Variants in CACNA2D1 observed in about 807,000 individuals in gnomAD.
CACNA2D1 encodes the protein calcium voltage-gated channel auxiliary subunit alpha2delta 1.
CACNA2D1 carries 53 observed loss-of-function variants against 171.5 expected under a neutral mutation model. That is an observed-to-expected ratio of 0.31 (90% CI 0.25 to 0.39). The LOEUF (loss-of-function observed/expected upper bound fraction) is 0.39, where lower values mean the gene tolerates loss of function less well. Among genes scored for constraint, CACNA2D1 ranks in the 10% least tolerant of loss-of-function variants. The pLI is 1.00. For missense variants in CACNA2D1, 903 were observed against 1,299.8 expected (o/e 0.69, Z 4.69); for synonymous variants, 442 against 443.1 (o/e 1.00, Z 0.03).
chr7:82,073,083 C>G lies in CACNA2D1; in HGVS notation c.659-6559G>C, dbSNP rs146580733. Among the ~76,000 whole-genome samples the G allele has an allele frequency of 5.6e-3, 845 of 152,228 alleles. 7 individuals carry two copies. The highest frequency in any genetic ancestry group is 0.02 in the African/African-American group (815 of 41,546). ...CTCCCTGATGCAGGCTGGTGTTACA[C>G]AGTCAATAAAACTTTCTAGGAATCT... On this transcript the variant is annotated intron_variant, in intron 7 of 38. Coordinates refer to ENST00000356860, the MANE Select transcript of CACNA2D1 (RefSeq NM_000722.4).
At chr7:82,416,761 C>T (rs945345241) in intron 1 of CACNA2D1, among the ~76,000 whole-genome samples, 2 of 152,124 alleles carry the variant, frequency 1.3e-5, no homozygotes, top group African/African-American at 4.8e-5. Context: ...AAAATAAGGT[C>T]ACATTCTGAA....
chr7:82,202,210 C>T lies in CACNA2D1; in HGVS notation c.295-31601G>A, dbSNP rs1204641064. 2.6e-5 allele frequency among the ~76,000 whole-genome samples: 4 copies of T among 152,288 alleles called. No homozygotes were observed. In the East Asian group the frequency reaches 5.8e-4, roughly 22 times the overall value. On this transcript the variant is annotated intron_variant, in intron 3 of 38. Coordinates refer to ENST00000356860, the MANE Select transcript of CACNA2D1 (RefSeq NM_000722.4). Reference sequence around the variant, plus strand: ...CTGACGCTGTACATACGGCTTGCACCCAGGCGCGTACCCATGACTTGCTGG... The same window carrying T: ...CTGACGCTGTACATACGGCTTGCACTCAGGCGCGTACCCATGACTTGCTGG...
chr7:82,352,635 A>G (rs1819985567), intron 1 of CACNA2D1, among the ~76,000 whole-genome samples: 1 of 152,174 alleles, frequency 6.6e-6, no homozygotes, highest in African/African-American at 2.4e-5. Flanking sequence ...GAGAGAAAAC[A>G]ACAACAAGAA....
chr7:82,340,297 C>A (rs1299352797), intron 2 of CACNA2D1, among the ~76,000 whole-genome samples: 2 of 151,846 alleles, frequency 1.3e-5, no homozygotes, highest in Non-Finnish European at 2.9e-5. Context: ...TGCTGAAAGC[C>A]AGGCTCCTCC....
intron 18 of CACNA2D1, among the ~76,000 whole-genome samples, chr7:81,999,500 T>C (rs561879826): frequency 9.0e-4 from 137 of 152,284 alleles, no homozygotes; most frequent in African/African-American, 3.2e-3. Flanking sequence ...AAATTTTAAA[T>C]TGAAATAATT....
At chr7:82,428,800 C>T (rs541719375) in intron 1 of CACNA2D1, among the ~76,000 whole-genome samples, 1 of 152,274 alleles carries the variant, frequency 6.6e-6, no homozygotes, top group African/African-American at 2.4e-5. Context: ...ACAGGCTATA[C>T]CAGAAGCAGG....
chr7:82,324,253 G>C (rs997401082), intron 3 of CACNA2D1, among the ~76,000 whole-genome samples: 1 of 151,758 alleles, frequency 6.6e-6, no homozygotes, highest in African/African-American at 2.4e-5. Context: ...AGCTACTCGG[G>C]AGGCTGAGGC....
chr7:82,417,553 G>C (rs1828294889), intron 1 of CACNA2D1, among the ~76,000 whole-genome samples: 1 of 152,114 alleles, frequency 6.6e-6, no homozygotes, highest in African/African-American at 2.4e-5. Flanking sequence ...GACACCACTG[G>C]CCACGGAAAC....
At chr7:82,280,624 T>C (rs1585320075) in intron 3 of CACNA2D1, among the ~76,000 whole-genome samples, 1 of 152,210 alleles carries the variant, frequency 6.6e-6, no homozygotes, top group Non-Finnish European at 1.5e-5. Context: ...CGTTAGAAGC[T>C]TTTTATGTAA....
chr7:82,286,835 T>C lies in CACNA2D1; in HGVS notation c.294+48300A>G, dbSNP rs1179417024. On this transcript the variant is annotated intron_variant, in intron 3 of 38. Transcript: ENST00000356860. ...TACTTTGTCCCCATGCCTATTTAAG[T>C]GTGTGGAGATTTTTCCCCCCATTTA... Among the ~76,000 whole-genome samples, 7 of 152,314 alleles carry C rather than the reference T, an allele frequency of 4.6e-5. No homozygotes were observed. In the South Asian group the frequency reaches 1.5e-3, roughly 32 times the overall value.
intron 2 of CACNA2D1, among the ~76,000 whole-genome samples, chr7:82,348,622 T>C (rs1282155308): frequency 1.3e-5 from 2 of 152,168 alleles, no homozygotes; most frequent in Non-Finnish European, 2.9e-5. Flanking sequence ...TGGTATAATT[T>C]TTTGAAGTTT....
intron 10 of CACNA2D1, among the ~76,000 whole-genome samples, chr7:82,039,856 T>C (rs543422981): frequency 6.6e-6 from 1 of 152,102 alleles, no homozygotes; most frequent in Non-Finnish European, 1.5e-5. Flanking sequence ...CTCGGTCTCA[T>C]AGGAGGACAA....
At chr7:81,974,413 G>C (rs1296750607) in intron 25 of CACNA2D1, 42 bp downstream of exon 25, 1 of 952,330 alleles carries the variant, frequency 1.1e-6, no homozygotes, top group Non-Finnish European at 1.7e-6. Context: ...TAAACCAATA[G>C]AACCACACTC....
intron 3 of CACNA2D1, among the ~76,000 whole-genome samples, chr7:82,275,538 T>C (rs991207391): frequency 5.3e-5 from 8 of 152,142 alleles, no homozygotes; most frequent in Admixed American, 4.6e-4. Flanking sequence ...AAGGGGTCTT[T>C]CTGCAGAGAG....
intron 2 of CACNA2D1, among the ~76,000 whole-genome samples, chr7:82,342,463 C>A (rs1445827143): frequency 6.6e-6 from 1 of 152,150 alleles, no homozygotes; most frequent in East Asian, 1.9e-4. Flanking sequence ...ATAACAACTT[C>A]TTCCCTGTAT....
rs760642663 is a variant in CACNA2D1 at position 82,012,251 on chromosome 7, T to TG, written c.1273-9dup. ...CAAAACATCCAAATATTCCTGTTTA[T>TG]GGGAAAAAAAAAAAAAGTCGTGGTT... On this transcript the variant is annotated splice_polypyrimidine_tract_variant and intron_variant, in intron 14 of 38. Transcript: ENST00000356860. 2.4e-5 allele frequency: 33 copies of TG among 1,384,614 alleles called. No homozygotes were observed. The highest frequency in any genetic ancestry group is 3.3e-5 in the Non-Finnish European group (33 of 1,014,934). The allele number at this position is 1,384,614 out of a possible 1,614,324, so 85.8% of individuals were successfully genotyped here.
At chr7:82,306,569 TGA>T (rs2129429974) in intron 3 of CACNA2D1, among the ~76,000 whole-genome samples, 1 of 152,310 alleles carries the variant, frequency 6.6e-6, no homozygotes, top group East Asian at 1.9e-4. Flanking sequence ...CACAAATTTC[TGA>T]GAGACTGGAG....
chr7:82,405,864 T>C (rs941649432), intron 1 of CACNA2D1, among the ~76,000 whole-genome samples: 2 of 152,042 alleles, frequency 1.3e-5, no homozygotes, highest in Non-Finnish European at 2.9e-5. Context: ...AGCTTTGGTG[T>C]TCATTTTACT....
intron 30 of CACNA2D1, 49 bp downstream of exon 30, chr7:81,967,547 A>G: frequency 3.0e-6 from 3 of 1,001,106 alleles, no homozygotes; most frequent in Non-Finnish European, 4.6e-6. Flanking sequence ...TTTCTATTGA[A>G]TTTTGAAAAC....
Sources: allele counts gnomAD v4.1 joint callset (sites outside exome capture counted in the v4.1 genomes callset), GRCh38; gene constraint gnomAD v4.1.1; transcripts MANE v1.5; gene names NCBI Gene and HGNC (gene_info 2026-07-23, HGNC 2026-07-21).